Variants in NRXN3 observed in about 807,000 individuals in gnomAD.
NRXN3 encodes neurexin III.
A neutral mutation model predicts 137.6 loss-of-function variants in NRXN3; 32 were observed. The ratio of observed to expected loss-of-function variants is 0.23; its 90% CI spans 0.18 to 0.31. The LOEUF is 0.31. NRXN3 is among the 10% of genes least tolerant of loss of function. The probability of loss-of-function intolerance (pLI) is 1.00; values close to 1 mark genes in which losing one functional copy is unlikely to be tolerated. For missense variants in NRXN3, 1,574 were observed against 2,062.5 expected (o/e 0.76, Z 4.59); for synonymous variants, 798 against 784.5 (o/e 1.02, Z -0.29).
chr14:78,224,782 C>T (rs1373694835), intron 1 of NRXN3, among the ~76,000 whole-genome samples: 30 of 60,934 alleles, frequency 4.9e-4, no homozygotes, highest in African/African-American at 1.5e-3. Context: ...TTTTTTGAGA[C>T]GGAGTCTCGC....
At chr14:78,848,603 G>A (rs2099034251) in intron 10 of NRXN3, among the ~76,000 whole-genome samples, 1 of 152,172 alleles carries the variant, frequency 6.6e-6, no homozygotes, top group South Asian at 2.1e-4. Context: ...ATGTTCAGAT[G>A]AAATAATAGA....
chr14:79,558,682 A>T (rs2097456756), intron 16 of NRXN3, among the ~76,000 whole-genome samples: 1 of 151,878 alleles, frequency 6.6e-6, no homozygotes, highest in African/African-American at 2.4e-5. Flanking sequence ...GAGTAAATTT[A>T]TCACAATTCT....
At chr14:79,797,649 A>G (rs576861517) in intron 19 of NRXN3, among the ~76,000 whole-genome samples, 2 of 152,320 alleles carry the variant, frequency 1.3e-5, no homozygotes, top group Admixed American at 6.5e-5. Context: ...ATAAGAGTAT[A>G]GGTATGACAG....
At chr14:79,192,462 AT>A (rs1366348697) in intron 15 of NRXN3, among the ~76,000 whole-genome samples, 1 of 152,178 alleles carries the variant, frequency 6.6e-6, no homozygotes, top group African/African-American at 2.4e-5. Context: ...CACAGGAAGT[AT>A]TTGGGGATAT....
intron 15 of NRXN3, among the ~76,000 whole-genome samples, chr14:79,363,506 A>G (rs555225251): frequency 2.0e-5 from 3 of 152,158 alleles, no homozygotes; most frequent in African/African-American, 7.2e-5. Flanking sequence ...CCATGTACGT[A>G]GGAACAGTTC....
chr14:79,061,302 T>C (rs2099673957), intron 15 of NRXN3, among the ~76,000 whole-genome samples: 2 of 152,220 alleles, frequency 1.3e-5, no homozygotes. Flanking sequence ...TAATTCATGC[T>C]ACAAAGCTGT....
chr14:78,559,222 A>T (rs1049936555), intron 4 of NRXN3, among the ~76,000 whole-genome samples: 3 of 152,208 alleles, frequency 2.0e-5, no homozygotes, highest in Non-Finnish European at 4.4e-5. Context: ...CCCTTGTAAG[A>T]TATGTAACAT....
chr14:79,287,342 C>G (rs2082431996), intron 15 of NRXN3, among the ~76,000 whole-genome samples: 1 of 152,146 alleles, frequency 6.6e-6, no homozygotes. Context: ...TATAGCAAAT[C>G]ATTTAGAAGC....
chr14:79,713,645 C>T (rs953479900), intron 19 of NRXN3, among the ~76,000 whole-genome samples: 1 of 141,442 alleles, frequency 7.1e-6, no homozygotes, highest in African/African-American at 2.6e-5. Flanking sequence ...GCTATCACTA[C>T]ACAATTCCAC....
At chr14:79,458,545 T>G (rs984859960) in intron 15 of NRXN3, among the ~76,000 whole-genome samples, 2 of 152,180 alleles carry the variant, frequency 1.3e-5, no homozygotes, top group Non-Finnish European at 2.9e-5. Flanking sequence ...ATTTATTTCC[T>G]GTGCATTCAC....
At chr14:79,364,876 A>G (rs1199137195) in intron 15 of NRXN3, among the ~76,000 whole-genome samples, 1 of 152,136 alleles carries the variant, frequency 6.6e-6, no homozygotes, top group Non-Finnish European at 1.5e-5. Flanking sequence ...CTTTCCCTTC[A>G]CAGCTGAATA....
chr14:79,073,140 G>T (rs191662216), intron 15 of NRXN3, among the ~76,000 whole-genome samples: 1 of 151,994 alleles, frequency 6.6e-6, no homozygotes, highest in Admixed American at 6.6e-5. Context: ...ACTCGCCTCC[G>T]CCTCCCAAAG....
At chr14:79,010,815 C>T (rs1420850703) in intron 15 of NRXN3, among the ~76,000 whole-genome samples, 2 of 152,112 alleles carry the variant, frequency 1.3e-5, no homozygotes, top group Non-Finnish European at 2.9e-5. Context: ...AGGTAACTGG[C>T]CCACACACCA....
chr14:78,201,703 A>G (rs767336744), intron 1 of NRXN3, among the ~76,000 whole-genome samples: 2 of 152,142 alleles, frequency 1.3e-5, no homozygotes, highest in Non-Finnish European at 2.9e-5. Context: ...TACACGAAGG[A>G]GCTGCTGACA....
At chr14:79,125,025 A>G (rs555339807) in intron 15 of NRXN3, among the ~76,000 whole-genome samples, 2 of 152,288 alleles carry the variant, frequency 1.3e-5, no homozygotes, top group African/African-American at 4.8e-5. Context: ...CATTTTGTAC[A>G]TGTTTTTGTA....
At chr14:79,377,760 A>G (rs2094347756) in intron 15 of NRXN3, among the ~76,000 whole-genome samples, 1 of 152,198 alleles carries the variant, frequency 6.6e-6, no homozygotes, top group African/African-American at 2.4e-5. Flanking sequence ...TGTCTCAAAA[A>G]AAGAAATATG....
intron 3 of NRXN3, among the ~76,000 whole-genome samples, chr14:78,285,909 T>C (rs755533691): frequency 3.9e-5 from 6 of 152,108 alleles, no homozygotes; most frequent in Admixed American, 6.5e-5. Context: ...TCCCAGCCAA[T>C]TGCCTGGCTG....
At chr14:79,796,410 G>A (rs970990353) in intron 19 of NRXN3, among the ~76,000 whole-genome samples, 1 of 152,062 alleles carries the variant, frequency 6.6e-6, no homozygotes, top group African/African-American at 2.4e-5. Flanking sequence ...CTGTCAGCCT[G>A]CCTTGAACAA....
chr14:79,827,905 A>G (rs1489142347), intron 20 of NRXN3, among the ~76,000 whole-genome samples: 1 of 152,072 alleles, frequency 6.6e-6, no homozygotes, highest in Non-Finnish European at 1.5e-5. Context: ...CATGTTGGAC[A>G]GGCTGGTCTC....
Sources: allele counts gnomAD v4.1 joint callset (sites outside exome capture counted in the v4.1 genomes callset), GRCh38; gene constraint gnomAD v4.1.1; transcripts MANE v1.5; gene names NCBI Gene and HGNC (gene_info 2026-07-23, HGNC 2026-07-21).